Variants in CHRM3 observed in about 807,000 individuals in gnomAD.
The protein encoded by CHRM3 is cholinergic receptor muscarinic 3, also known as muscarinic acetylcholine receptor M3.
A neutral mutation model predicts 41.8 loss-of-function variants in CHRM3; 11 were observed. That is an observed-to-expected ratio of 0.26 (90% CI 0.17 to 0.44). The LOEUF (loss-of-function observed/expected upper bound fraction) is 0.44, where lower values mean the gene tolerates loss of function less well. Ranked by LOEUF, CHRM3 falls within the 20% of genes least tolerant of loss-of-function variation. CHRM3 has a pLI of 1.00. For missense variants in CHRM3, 571 were observed against 745.4 expected, an observed-to-expected ratio of 0.77 and a Z score of 2.72; for synonymous variants, 297 against 301.4, an observed-to-expected ratio of 0.99 and a Z score of 0.15.
chr1:239,457,419 T>A (rs2147857819), intron 1 of CHRM3, among the ~76,000 whole-genome samples: 1 of 152,344 alleles, frequency 6.6e-6, no homozygotes, highest in Admixed American at 6.5e-5. Flanking sequence ...GATTGTTATA[T>A]ACGTGTCTTC....
At chr1:239,788,672 A>G (rs768095865) in intron 5 of CHRM3, among the ~76,000 whole-genome samples, 3 of 152,044 alleles carry the variant, frequency 2.0e-5, no homozygotes, top group Admixed American at 6.6e-5. Context: ...AGGCTGAGGT[A>G]GGAGAATTGC....
chr1:239,749,316 G>C (rs1010000626), intron 5 of CHRM3, among the ~76,000 whole-genome samples: 1 of 152,100 alleles, frequency 6.6e-6, no homozygotes, highest in Non-Finnish European at 1.5e-5. Flanking sequence ...TAAGCCCTAC[G>C]GTGGGAGAGC....
At chr1:239,597,440 C>A (rs1300101418) in intron 3 of CHRM3, among the ~76,000 whole-genome samples, 1 of 152,098 alleles carries the variant, frequency 6.6e-6, no homozygotes, top group Non-Finnish European at 1.5e-5. Context: ...AGTTATTAAG[C>A]CATATCACAG....
At chr1:239,544,317 G>A (rs989070001) in intron 2 of CHRM3, among the ~76,000 whole-genome samples, 2 of 152,242 alleles carry the variant, frequency 1.3e-5, no homozygotes, top group East Asian at 1.9e-4. Context: ...AGGAAGGTGC[G>A]TAGATGGAAG....
intron 1 of CHRM3, among the ~76,000 whole-genome samples, chr1:239,414,081 G>A (rs933154731): frequency 6.6e-6 from 1 of 152,120 alleles, no homozygotes; most frequent in Non-Finnish European, 1.5e-5. Context: ...GGTTTTATGA[G>A]CAATTTCTGT....
rs376199499 is a variant in CHRM3 at position 239,618,685 on chromosome 1, A to C, written c.-312-13539A>C. 7.4e-3 allele frequency among the ~76,000 whole-genome samples: 1,115 copies of C among 150,942 alleles called. 5 individuals are homozygous for C. Among genetic ancestry groups the C allele is most frequent in the African/African-American group, 0.022 (920 of 41,254 alleles). On this transcript the variant is annotated intron_variant, in intron 3 of 6. Coordinates refer to ENST00000676153, the MANE Select transcript of CHRM3 (RefSeq NM_001375978.1). Reference sequence around the variant, plus strand: ...CGGTGAAACCCCGTCTCTACTAAAAATACAAAAAATTAGCTGGGCGTGGTG... The same window carrying C: ...CGGTGAAACCCCGTCTCTACTAAAACTACAAAAAATTAGCTGGGCGTGGTG...
At chr1:239,900,379 T>G (rs963632898) in intron 6 of CHRM3, among the ~76,000 whole-genome samples, 26 of 111,394 alleles carry the variant, frequency 2.3e-4, no homozygotes, top group African/African-American at 1.8e-3. Context: ...TAGATATTCT[T>G]TTTTTTTTTT....
intron 1 of CHRM3, among the ~76,000 whole-genome samples, chr1:239,462,571 G>T (rs1665438594): frequency 6.6e-6 from 1 of 152,100 alleles, no homozygotes; most frequent in Non-Finnish European, 1.5e-5. Context: ...AAAATAATTT[G>T]ACTAGAAGTT....
chr1:239,864,623 C>T (rs774825674), intron 6 of CHRM3, among the ~76,000 whole-genome samples: 4 of 151,860 alleles, frequency 2.6e-5, no homozygotes, highest in Non-Finnish European at 5.9e-5. Context: ...AAACTAGCAT[C>T]GGGCCTAAAG....
chr1:239,847,698 C>T (rs761363303), intron 6 of CHRM3, among the ~76,000 whole-genome samples: 8 of 152,110 alleles, frequency 5.3e-5, no homozygotes, highest in Non-Finnish European at 1.2e-4. Context: ...GACCTCATCT[C>T]TACACACACA....
rs577194547 is a variant in CHRM3, at chr1:239,458,895, C to G, written c.-520-33814C>G. On this transcript the variant is annotated intron_variant, in intron 1 of 6. Transcript: ENST00000676153. ...GAAAGAAGAAATGGGAGACCCCCCC[C>G]CATCAGGGTGGAACTCTTCCGGCTA... Among the ~76,000 whole-genome samples, 19 of 149,518 alleles carry G rather than the reference C, an allele frequency of 1.3e-4. No homozygotes were observed. In the East Asian group the frequency reaches 1.4e-3, roughly 11 times the overall value.
chr1:239,813,925 A>AAAAAAAAAAAAAAAAAAC (rs1553274107), intron 5 of CHRM3, among the ~76,000 whole-genome samples: 4 of 146,390 alleles, frequency 2.7e-5, no homozygotes, highest in African/African-American at 8.2e-5. Context: ...TCAAAAAAAA[A>AAAAAAAAAAAAAAAAAAC]AAAAAAAAAC....
chr1:239,763,955 G>T (rs1324124669), intron 5 of CHRM3, among the ~76,000 whole-genome samples: 1 of 151,830 alleles, frequency 6.6e-6, no homozygotes, highest in African/African-American at 2.4e-5. Flanking sequence ...GTCAGGCATG[G>T]TGTGGACATG....
chr1:239,406,783 T>C (rs1558198282), intron 1 of CHRM3, among the ~76,000 whole-genome samples: 1 of 152,190 alleles, frequency 6.6e-6, no homozygotes, highest in Non-Finnish European at 1.5e-5. Context: ...GCCAAGATCA[T>C]TATAAGGCAG....
intron 1 of CHRM3, among the ~76,000 whole-genome samples, chr1:239,431,906 T>G (rs1387317994): frequency 6.6e-6 from 1 of 152,098 alleles, no homozygotes; most frequent in African/African-American, 2.4e-5. Context: ...AGCACTAAAA[T>G]CATAGATGTA....
chr1:239,825,497 C>T (rs1187826221), intron 5 of CHRM3, among the ~76,000 whole-genome samples: 5 of 152,104 alleles, frequency 3.3e-5, no homozygotes, highest in Non-Finnish European at 7.4e-5. Flanking sequence ...TGTAAGTTCT[C>T]GTGGTGTATG....
At chr1:239,672,466 G>C (rs939471009) in intron 4 of CHRM3, among the ~76,000 whole-genome samples, 20 of 152,140 alleles carry the variant, frequency 1.3e-4, no homozygotes, top group Admixed American at 7.9e-4. Context: ...CACTGTCAAT[G>C]TCAGCAGGGC....
chr1:239,476,162 G>A (rs1024922132), intron 1 of CHRM3, among the ~76,000 whole-genome samples: 2 of 152,042 alleles, frequency 1.3e-5, no homozygotes, highest in African/African-American at 4.8e-5. Context: ...CCTGCATCAT[G>A]AGTGGATAAA....
At chr1:239,631,383 T>C (rs1412344430) in intron 3 of CHRM3, among the ~76,000 whole-genome samples, 1 of 152,140 alleles carries the variant, frequency 6.6e-6, no homozygotes, top group African/African-American at 2.4e-5. Context: ...TACAGTCTGT[T>C]CTCAGTCCTC....
Sources: gnomAD v4.1 joint callset for allele counts (sites outside exome capture counted in the v4.1 genomes callset) on GRCh38, gnomAD v4.1.1 for gene constraint, MANE v1.5 for transcripts, NCBI Gene and HGNC (gene_info 2026-07-23, HGNC 2026-07-21) for gene names.